The following SLC22A25 variants were observed in gnomAD, a reference collection of about 807,000 sequenced individuals.
The protein encoded by SLC22A25 is solute carrier family 22 member 25.
SLC22A25 carries 44 observed loss-of-function variants against 45.9 expected under a neutral mutation model. That is an observed-to-expected ratio of 0.96 (90% CI 0.75 to 1.23). The LOEUF is 1.23. Ranked by LOEUF, SLC22A25 falls within the 50% of genes most tolerant of loss-of-function variation. The pLI is 0.00. For missense variants in SLC22A25, 800 were observed against 666.4 expected (o/e 1.20, Z -2.21); for synonymous variants, 283 against 238.6 (o/e 1.19, Z -1.72).
chr11:63,166,499 T>G, intron 9 of SLC22A25: 1 of 1,230,592 alleles, frequency 8.1e-7, no homozygotes, highest in African/African-American at 1.5e-5. Flanking sequence ...GCTATGGGGT[T>G]TATTTATTTA....
intron 5 of SLC22A25, among the ~76,000 whole-genome samples, chr11:63,218,830 C>G (rs962102935): frequency 1.4e-4 from 22 of 152,144 alleles, no homozygotes; most frequent in African/African-American, 5.3e-4. Flanking sequence ...TGTGGTGAGG[C>G]AGAATTTCAG....
At chr11:63,233,012 G>T (rs1590917691) in intron 3 of SLC22A25, among the ~76,000 whole-genome samples, 1 of 152,114 alleles carries the variant, frequency 6.6e-6, no homozygotes, top group East Asian at 1.9e-4. Flanking sequence ...TAAGCTTTTT[G>T]ATGTGCTGCT....
rs1196325477 is a variant in SLC22A25, at chr11:63,183,769, T to A, written c.879A>T (p.Glu293Asp). Residue 293 changes from glutamate (E) to aspartate (D), a missense_variant, in exon 8 of 12, where the codon GAA becomes GAT. Coordinates refer to ENST00000306494, the MANE Select transcript of SLC22A25 (RefSeq NM_199352.6). Reference protein sequence around the residue: ...ARWLIINNKPEEGLKELRKAA... With the variant: ...ARWLIINNKPDEGLKELRKAA... ...CTTTTCTAAGTTCCTTTAAGCCCTC[T>A]TCTGGTTTGTTGTTGATAATGAGCC... 1 of 1,613,162 alleles carries A rather than the reference T, an allele frequency of 6.2e-7. No homozygotes were observed. The highest frequency in any genetic ancestry group is 8.5e-7 in the Non-Finnish European group (1 of 1,179,420).
At position 63,229,757 on chromosome 11, in the gene SLC22A25, G is replaced by A. The variant is rs1236859949; in HGVS notation, c.-105C>T. 8 of 1,186,348 alleles carry A rather than the reference G, an allele frequency of 6.7e-6. 1 individual carries two copies. The South Asian group carries it at 1.3e-4, about 19-fold the overall frequency. The allele number at this position is 1,186,348 out of a possible 1,614,324, so 73.5% of individuals were successfully genotyped here. A position where few individuals can be genotyped will look rare whatever the true frequency, so the allele number is the denominator to read the frequency against. On this transcript the variant is annotated 5_prime_UTR_variant, in exon 4 of 12. Transcript: ENST00000306494. Reference sequence around the variant, plus strand: ...TTAAATCACACTAAGTGTGTGTGTTGATCCTGACCCCACTCTCTTCTTAAT... The same window carrying A: ...TTAAATCACACTAAGTGTGTGTGTTAATCCTGACCCCACTCTCTTCTTAAT...
chr11:63,209,762 G>GA (rs1165725208), intron 7 of SLC22A25, among the ~76,000 whole-genome samples: 4 of 152,160 alleles, frequency 2.6e-5, no homozygotes, highest in Non-Finnish European at 5.9e-5. Context: ...TTGATTTGGT[G>GA]AATTCTATTA....
intron 7 of SLC22A25, among the ~76,000 whole-genome samples, chr11:63,202,340 A>T (rs1388949545): frequency 1.3e-5 from 2 of 151,820 alleles, no homozygotes; most frequent in Non-Finnish European, 2.9e-5. Flanking sequence ...GAAGCCAGGG[A>T]GTTAAGTGGT....
At chr11:63,186,078 C>T (rs1219349645) in intron 7 of SLC22A25, among the ~76,000 whole-genome samples, 9 of 150,878 alleles carry the variant, frequency 6.0e-5, no homozygotes, top group Non-Finnish European at 1.2e-4. Context: ...ATGGCTGGGT[C>T]AAATGGTATT....
At position 63,236,680 on chromosome 11, in the gene SLC22A25, G is replaced by T. The variant is rs376263362; in HGVS notation, c.-445+1201C>A. ...CCCACTGTCCCGCACCCACTGTCTG[G>T]CACTCCCCAGTGAGATGAACCCAGT... On this transcript the variant is annotated intron_variant, in intron 3 of 11. Coordinates refer to ENST00000306494, the MANE Select transcript of SLC22A25 (RefSeq NM_199352.6). 4.9e-4 allele frequency among the ~76,000 whole-genome samples: 74 copies of T among 152,174 alleles called. 1 individual carries two copies. In the South Asian group the frequency reaches 0.015, roughly 31 times the overall value.
chr11:63,223,369 G>A (rs1457462176), intron 5 of SLC22A25, among the ~76,000 whole-genome samples: 1 of 151,976 alleles, frequency 6.6e-6, no homozygotes, highest in Non-Finnish European at 1.5e-5. Flanking sequence ...TATGTATCTA[G>A]GAATTTACCC....
chr11:63,185,037 C>A (rs10750995), intron 7 of SLC22A25, among the ~76,000 whole-genome samples: 1 of 151,868 alleles, frequency 6.6e-6, no homozygotes, highest in African/African-American at 2.4e-5. Context: ...CATTGCAGGA[C>A]CTGACAGACA....
At chr11:63,167,978 G>T (rs368248623) in intron 9 of SLC22A25, 3 of 391,458 alleles carry the variant, frequency 7.7e-6, no homozygotes, top group East Asian at 1.1e-4. Flanking sequence ...GAGCAGGCAG[G>T]AATCTTTGCT....
intron 5 of SLC22A25, chr11:63,219,851 T>A (rs1429613472): frequency 8.7e-7 from 1 of 1,145,958 alleles, no homozygotes; most frequent in East Asian, 5.8e-5. Flanking sequence ...GTTACTGGAC[T>A]GTTGGAAATC....
rs367780748 is a variant in SLC22A25, at chr11:63,217,722, A to G, written c.520T>C (p.Phe174Leu). ...TGGAGGTAAGACCATCTGAGCACGA[A>G]CTTTCTCCCAAACCTGAGAAACAGG... ...GHLSDRFGRK[F>L]VLRWSYLQLA... The change falls in exon 6 of 12, where the codon TTC becomes CTC. Residue 174 changes from phenylalanine (F) to leucine (L), a missense_variant. Physicochemically the swap from Phe to Leu is conservative, Grantham distance 22 (BLOSUM62 0). Transcript: ENST00000306494. 1 of 1,607,538 alleles carries G rather than the reference A, an allele frequency of 6.2e-7. No individual in the cohort carries two copies. The highest frequency in any genetic ancestry group is 8.5e-7 in the Non-Finnish European group (1 of 1,178,356).
At chr11:63,215,385 G>A (rs960881041) in intron 7 of SLC22A25, among the ~76,000 whole-genome samples, 1 of 152,106 alleles carries the variant, frequency 6.6e-6, no homozygotes, top group Admixed American at 6.5e-5. Flanking sequence ...TGAACAATGA[G>A]GACACATGGA....
intron 5 of SLC22A25, among the ~76,000 whole-genome samples, chr11:63,225,466 G>T (rs1328717397): frequency 2.0e-5 from 3 of 152,102 alleles, no homozygotes; most frequent in Non-Finnish European, 1.5e-5. Context: ...CTCTGTCCTG[G>T]CCTGTAAGGT....
chr11:63,178,737 A>AT (rs1164786094), intron 9 of SLC22A25, among the ~76,000 whole-genome samples: 8 of 150,866 alleles, frequency 5.3e-5, no homozygotes, highest in Admixed American at 3.3e-4. Flanking sequence ...ATAGTTTGCA[A>AT]TTTTTTTTCT....
chr11:63,178,392 A>G (rs542732715), intron 9 of SLC22A25, among the ~76,000 whole-genome samples: 11 of 152,086 alleles, frequency 7.2e-5, no homozygotes, highest in Non-Finnish European at 1.0e-4. Flanking sequence ...ACAAAATTTT[A>G]TATTGTTTTG....
At position 63,229,775 on chromosome 11, in the gene SLC22A25, T is replaced by G; in HGVS notation, c.-123A>C. 1 of 985,316 alleles carries G rather than the reference T, an allele frequency of 1.0e-6. No homozygotes were observed. The highest frequency in any genetic ancestry group is 1.4e-6 in the Non-Finnish European group (1 of 709,806). 61.0% of individuals were successfully genotyped at this position (985,316 alleles called of 1,614,324 possible). A position where few individuals can be genotyped will look rare whatever the true frequency, so the allele number is the denominator to read the frequency against. On this transcript the variant is annotated 5_prime_UTR_variant, in exon 4 of 12. Coordinates refer to ENST00000306494, the MANE Select transcript of SLC22A25 (RefSeq NM_199352.6). ...GTGTGTTGATCCTGACCCCACTCTC[T>G]TCTTAATGGGCCCTCTCTCCCATCT...
chr11:63,229,316 T>C lies in SLC22A25; in HGVS notation c.337A>G (p.Thr113Ala). The C allele has an allele frequency of 6.2e-7, 1 of 1,609,906 alleles. No homozygotes were observed. ...GTFPNTSEPD[T>A]EPCVDGWVYD... ...ACCCAGCCATCCACACAGGGCTCTG[T>C]ATCTGGCTCACTCGTGTTGGGGAAG... is the stretch of plus-strand genomic sequence containing the variant. The change falls in exon 4 of 12, where the codon ACA (threonine) becomes GCA (alanine). Residue 113 changes from threonine (T) to alanine (A), a missense_variant. Thr to Ala is a moderately conservative substitution (Grantham distance 58). Transcript: ENST00000306494.
Sources: allele counts gnomAD v4.1 joint callset (sites outside exome capture counted in the v4.1 genomes callset), GRCh38; gene constraint gnomAD v4.1.1; transcripts MANE v1.5; gene names NCBI Gene and HGNC (gene_info 2026-07-23, HGNC 2026-07-21).